CLASP1: variants seen among roughly 807,000 people sequenced by gnomAD.
CLASP1 encodes the protein cytoplasmic linker associated protein 1.
In CLASP1, 38 loss-of-function variants were observed where a neutral mutation model predicts 192.3. The ratio of observed to expected loss-of-function variants is 0.20; its 90% CI spans 0.15 to 0.26. CLASP1 has a LOEUF of 0.26. Among genes scored for constraint, CLASP1 ranks in the 10% least tolerant of loss-of-function variants. The pLI, the probability that CLASP1 is intolerant of heterozygous loss-of-function variation, is 1.00. For missense variants in CLASP1, 1,433 were observed against 1,932.5 expected, an observed-to-expected ratio of 0.74 and a Z score of 4.85; for synonymous variants, 691 against 712.8, an observed-to-expected ratio of 0.97 and a Z score of 0.49.
intron 1 of CLASP1, among the ~76,000 whole-genome samples, chr2:121,640,285 G>A (rs1343849726): frequency 1.3e-5 from 2 of 152,102 alleles, no homozygotes; most frequent in Non-Finnish European, 2.9e-5. Context: ...CAGGCTGATG[G>A]GTGCAGCGGG....
chr2:121,362,280 T>C (rs1279138459), intron 37 of CLASP1, among the ~76,000 whole-genome samples: 1 of 152,248 alleles, frequency 6.6e-6, no homozygotes, highest in Non-Finnish European at 1.5e-5. Flanking sequence ...GAATCATTTG[T>C]ATCTGGACAG....
intron 28 of CLASP1, among the ~76,000 whole-genome samples, chr2:121,401,252 A>G (rs1361041843): frequency 6.6e-5 from 10 of 152,242 alleles, no homozygotes; most frequent in African/African-American, 2.4e-4. Context: ...AAGAGAATCA[A>G]TTTCCAAAGT....
intron 7 of CLASP1, among the ~76,000 whole-genome samples, chr2:121,513,726 T>C (rs1373966766): frequency 6.6e-6 from 1 of 152,214 alleles, no homozygotes; most frequent in African/African-American, 2.4e-5. Context: ...CAGGCAAGCA[T>C]CCTAGAGACT....
At chr2:121,463,902 A>T (rs910126912) in intron 9 of CLASP1, among the ~76,000 whole-genome samples, 7 of 151,844 alleles carry the variant, frequency 4.6e-5, no homozygotes, top group Non-Finnish European at 1.0e-4. Flanking sequence ...TGTGCCGGTT[A>T]GTTACATATG....
rs565229184 is a variant in CLASP1 at position 121,428,126 on chromosome 2, C to T, written c.2018-696G>A. ...AAAAGGGGAGCCCCAAGGCTAGGTA[C>T]AGTATTTTTATAAGACTGAAAAATT... On this transcript the variant is annotated intron_variant, in intron 20 of 39. Coordinates refer to ENST00000263710, the Ensembl canonical transcript of CLASP1. 3.4e-4 allele frequency among the ~76,000 whole-genome samples: 52 copies of T among 152,248 alleles called. No homozygotes were observed. The South Asian group carries it at 5.8e-3, about 17-fold the overall frequency.
chr2:121,484,916 A>AG (rs1365445087), intron 8 of CLASP1, among the ~76,000 whole-genome samples: 1 of 152,254 alleles, frequency 6.6e-6, no homozygotes, highest in African/African-American at 2.4e-5. Context: ...TCCTGGGAAT[A>AG]CAGTATGAAT....
intron 2 of CLASP1, among the ~76,000 whole-genome samples, chr2:121,584,833 A>G (rs1308959672): frequency 1.3e-5 from 2 of 152,194 alleles, no homozygotes; most frequent in Non-Finnish European, 2.9e-5. Context: ...CCTCTCTACC[A>G]CTGTTTGGCT....
intron 1 of CLASP1, among the ~76,000 whole-genome samples, chr2:121,620,234 A>AC (rs2067110586): frequency 6.6e-6 from 1 of 151,918 alleles, no homozygotes; most frequent in South Asian, 2.1e-4. Context: ...AAAAAAAAAA[A>AC]GAAATTACCC....
At chr2:121,472,805 G>A (rs1237650309) in intron 8 of CLASP1, among the ~76,000 whole-genome samples, 2 of 152,180 alleles carry the variant, frequency 1.3e-5, no homozygotes, top group African/African-American at 2.4e-5. Flanking sequence ...GAATGTTCTT[G>A]GTGACCCACC....
chr2:121,432,579 A>T (rs2081618228), intron 19 of CLASP1, among the ~76,000 whole-genome samples: 1 of 152,192 alleles, frequency 6.6e-6, no homozygotes. Flanking sequence ...TTAAGGGGAA[A>T]AGCTTTATAA....
intron 6 of CLASP1, among the ~76,000 whole-genome samples, chr2:121,525,091 T>C (rs763029735): frequency 6.6e-6 from 1 of 152,168 alleles, no homozygotes; most frequent in African/African-American, 2.4e-5. Flanking sequence ...TATATTTCTC[T>C]TGTAAATTAC....
At chr2:121,364,988 G>C (rs369627621) in intron 36 of CLASP1, 106 bp downstream of exon 37, 2 of 1,041,194 alleles carry the variant, frequency 1.9e-6, no homozygotes, top group Admixed American at 2.0e-5. Context: ...GATGTAAACA[G>C]TAAGCACAAC....
In CLASP1 at chr2:121,574,989, T is replaced by TA. The variant is rs569395578; in HGVS notation, c.195+30711dup. On this transcript the variant is annotated intron_variant, in intron 2 of 39. Coordinates refer to ENST00000263710, the Ensembl canonical transcript of CLASP1. Reference sequence around the variant, plus strand: ...TGAGAGATTTTAAATCTTCTCACCATAAAAAAAAAACTATGTGAGGTAACG... The same window carrying TA: ...TGAGAGATTTTAAATCTTCTCACCATAAAAAAAAAAACTATGTGAGGTAACG... 2.6e-3 allele frequency among the ~76,000 whole-genome samples: 380 copies of TA among 147,564 alleles called. 4 individuals are homozygous for TA. Among genetic ancestry groups the TA allele is most frequent in the African/African-American group, 6.2e-3 (249 of 40,456 alleles).
intron 9 of CLASP1, among the ~76,000 whole-genome samples, chr2:121,468,706 T>C (rs1245069078): frequency 6.6e-6 from 1 of 152,168 alleles, no homozygotes; most frequent in East Asian, 1.9e-4. Context: ...AGATATAGGA[T>C]CATGTCATCT....
At chr2:121,520,820 GCA>G (rs1295174563) in intron 6 of CLASP1, among the ~76,000 whole-genome samples, 2 of 152,178 alleles carry the variant, frequency 1.3e-5, no homozygotes, top group Non-Finnish European at 2.9e-5. Flanking sequence ...TCATCAACAA[GCA>G]CAGACTTCGT....
chr2:121,577,481 T>C (rs6742197), intron 2 of CLASP1, among the ~76,000 whole-genome samples: 2,116 of 152,232 alleles, frequency 0.014, 53 homozygotes, highest in African/African-American at 0.048. Flanking sequence ...GGCTATAGAA[T>C]AGCATATATG....
At chr2:121,351,514 C>T (rs991605848) in intron 37 of CLASP1, among the ~76,000 whole-genome samples, 1 of 152,196 alleles carries the variant, frequency 6.6e-6, no homozygotes, top group Non-Finnish European at 1.5e-5. Flanking sequence ...GAATATGTCC[C>T]ACTTAAAGAA....
chr2:121,571,197 G>A (rs1050047751), intron 2 of CLASP1, among the ~76,000 whole-genome samples: 3 of 151,672 alleles, frequency 2.0e-5, no homozygotes, highest in Non-Finnish European at 4.4e-5. Context: ...TTTCTTTTGG[G>A]ATGGGTCTCA....
At chr2:121,523,091 A>C (rs1057129648) in intron 6 of CLASP1, among the ~76,000 whole-genome samples, 1 of 152,254 alleles carries the variant, frequency 6.6e-6, no homozygotes, top group Non-Finnish European at 1.5e-5. Context: ...ACTGAGGCTC[A>C]AGATGCAAGT....
Sources: gnomAD v4.1 joint callset for allele counts (sites outside exome capture counted in the v4.1 genomes callset) on GRCh38, gnomAD v4.1.1 for gene constraint, MANE v1.5 for transcripts, NCBI Gene and HGNC (gene_info 2026-07-23, HGNC 2026-07-21) for gene names.